Variants in TUBB3 observed in about 807,000 individuals in gnomAD.
TUBB3 encodes tubulin beta-3 chain.
Under a neutral mutation model 37.8 loss-of-function variants are expected in TUBB3, and 17 were observed. The ratio of observed to expected loss-of-function variants is 0.45; its 90% CI spans 0.31 to 0.67. TUBB3 has a LOEUF of 0.67. Ranked by LOEUF, TUBB3 falls within the 30% of genes least tolerant of loss-of-function variation. The pLI is 0.07. For synonymous variants in TUBB3, 332 were observed against 278.9 expected (o/e 1.19, Z -1.90); for missense variants, 262 against 657.9 (o/e 0.40, Z 6.58).
At chr16:89,933,010 C>G (rs775409700) in intron 2 of TUBB3, 15 of 491,884 alleles carry the variant, frequency 3.0e-5, no homozygotes, top group Non-Finnish European at 5.6e-5. Context: ...AGGGCTTAGT[C>G]AGGGGCTCTT....
At chr16:89,933,054 G>C in intron 2 of TUBB3, 1 of 465,352 alleles carries the variant, frequency 2.1e-6, no homozygotes, top group South Asian at 2.0e-5. Flanking sequence ...CCATATCAAA[G>C]TGGTGATACA....
intron 1 of TUBB3, among the ~76,000 whole-genome samples, chr16:89,923,975 C>T (rs1429250694): frequency 3.3e-5 from 5 of 152,136 alleles, no homozygotes; most frequent in African/African-American, 1.2e-4. Context: ...CACCCCTCGG[C>T]GTCCTAGCTC....
At position 89,933,354 on chromosome 16, in the gene TUBB3, C is replaced by T. The variant is rs1007774171; in HGVS notation, c.167-114C>T. 4 of 911,836 alleles carry T rather than the reference C, an allele frequency of 4.4e-6. No individual in the cohort carries two copies. The African/African-American group carries it at 4.9e-5, about 11-fold the overall frequency. The allele number at this position is 911,836 out of a possible 1,614,324, so 56.5% of individuals were successfully genotyped here. ...GGTCCAGGACTCTGACTTCAGAGTA[C>T]AGGCTCTTAGGATGTGAGCAGGAGG... On this transcript the variant is annotated intron_variant, in intron 2 of 3. Transcript: ENST00000315491.
In TUBB3 at chr16:89,931,048, C is replaced by T. The variant is rs2030262360; in HGVS notation, c.58-1523C>T. ...TTCACCATGTTAGCCAGGATGGTCTCGATCTCCTGACTTCGTGATCCACCC... is the reference window on the plus strand; with the variant it reads ...TTCACCATGTTAGCCAGGATGGTCTTGATCTCCTGACTTCGTGATCCACCC... On this transcript the variant is annotated intron_variant, in intron 1 of 3. Transcript: ENST00000315491. 2.6e-5 allele frequency among the ~76,000 whole-genome samples: 4 copies of T among 152,124 alleles called. No individual in the cohort carries two copies. The South Asian group carries it at 6.2e-4, about 24-fold the overall frequency.
At chr16:89,933,662 C>A in intron 3 of TUBB3, 84 bp downstream of exon 3, 1 of 1,050,556 alleles carries the variant, frequency 9.5e-7, no homozygotes, top group Non-Finnish European at 1.5e-6. Context: ...CTGTGAGAAA[C>A]AAGGAATGGT....
intron 2 of TUBB3, chr16:89,933,054 G>T: frequency 2.1e-6 from 1 of 465,352 alleles, no homozygotes; most frequent in Non-Finnish European, 4.0e-6. Flanking sequence ...CCATATCAAA[G>T]TGGTGATACA....
chr16:89,925,018 C>A (rs1017949488), intron 1 of TUBB3, among the ~76,000 whole-genome samples: 2 of 151,974 alleles, frequency 1.3e-5, no homozygotes, highest in African/African-American at 4.8e-5. Context: ...GGGCAGGCAG[C>A]CCTGGGGCCC....
At position 89,934,948 on chromosome 16, in the gene TUBB3, C is replaced by T. The variant is rs2030401203; in HGVS notation, c.497C>T (p.Thr166Ile). 6.2e-7 allele frequency: 1 copy of T among 1,614,110 alleles called. No individual in the cohort carries two copies. Among genetic ancestry groups the T allele is most frequent in the Non-Finnish European group, 8.5e-7 (1 of 1,180,046 alleles). ...REEYPDRIMN[T>I]FSVVPSPKVS... ...GAGTATCCCGACCGCATCATGAACA[C>T]CTTCAGCGTCGTGCCCTCACCCAAG... The change falls in exon 4 of 4, where the codon ACC (threonine) becomes ATC (isoleucine). Residue 166 changes from threonine to isoleucine, a missense_variant. Transcript: ENST00000315491.
rs759051850 is a variant in TUBB3, at chr16:89,935,711, C to T, written c.1260C>T (p.Ser420=). ...AGAGCAACATGAACGACCTGGTGTC[C>T]GAGTACCAGCAGTACCAGGACGCCA... ...EAESNMNDLV[S]EYQQYQDATA... Residue 420 remains serine, a synonymous_variant, in exon 4 of 4, where the codon TCC becomes TCT. Coordinates refer to ENST00000315491, the MANE Select transcript of TUBB3 (RefSeq NM_006086.4). 15 of 1,613,718 alleles carry T rather than the reference C, an allele frequency of 9.3e-6. No homozygotes were observed. Among genetic ancestry groups the T allele is most frequent in the Middle Eastern group, 1.6e-4 (1 of 6,080 alleles).
chr16:89,927,348 G>C (rs2144405631), intron 1 of TUBB3, among the ~76,000 whole-genome samples: 1 of 151,446 alleles, frequency 6.6e-6, no homozygotes, highest in South Asian at 2.1e-4. Context: ...TCATGCCCCT[G>C]CATTCTAGCC....
chr16:89,935,553 A>G lies in TUBB3; in HGVS notation c.1102A>G (p.Ile368Val). The G allele has an allele frequency of 6.2e-7, 1 of 1,614,140 alleles. No individual in the cohort carries two copies. Among genetic ancestry groups the G allele is most frequent in the Non-Finnish European group, 8.5e-7 (1 of 1,180,042 alleles). Residue 368 changes from isoleucine to valine, a missense_variant, in exon 4 of 4, where the codon ATC (isoleucine) becomes GTC (valine). By Grantham distance (29) the Ile-to-Val change is conservative. Around this residue, in one of 3 missense-constraint regions of TUBB3, gnomAD observed 165 missense variants for 556.8 expected, o/e 0.30. Coordinates refer to ENST00000315491, the MANE Select transcript of TUBB3 (RefSeq NM_006086.4). ...CGGCCTCAAGATGTCCTCCACCTTC[A>G]TCGGGAACAGCACGGCCATCCAGGA... ...PRGLKMSSTF[I>V]GNSTAIQELF...
intron 2 of TUBB3, 182 bp from the exon 3 acceptor site, chr16:89,933,286 C>T (rs1215154190): frequency 1.2e-5 from 9 of 732,142 alleles, no homozygotes; most frequent in African/African-American, 6.9e-5. Context: ...TCCTTAAACA[C>T]AGTGAGGCTT....
intron 1 of TUBB3, among the ~76,000 whole-genome samples, chr16:89,927,662 A>C (rs1376965916): frequency 6.6e-6 from 1 of 152,224 alleles, no homozygotes; most frequent in African/African-American, 2.4e-5. Context: ...ACATGTGCTG[A>C]ATGTTTTCAT....
intron 3 of TUBB3, chr16:89,933,800 G>A (rs1034762211): frequency 1.1e-5 from 8 of 702,518 alleles, no homozygotes; most frequent in Admixed American, 2.0e-5. Context: ...GGAATGAAGT[G>A]TAAAGCAGAC....
At position 89,935,522 on chromosome 16, in the gene TUBB3, G is replaced by T. The variant is rs754560439; in HGVS notation, c.1071G>T (p.Pro357=). ...NNVKVAVCDI[P]PRGLKMSSTF... is the part of the protein sequence containing the mutation. Reference sequence around the variant, plus strand: ...TGAAGGTGGCCGTGTGTGACATCCCGCCCCGCGGCCTCAAGATGTCCTCCA... The same window carrying T: ...TGAAGGTGGCCGTGTGTGACATCCCTCCCCGCGGCCTCAAGATGTCCTCCA... The change falls in exon 4 of 4, where the codon CCG becomes CCT. Residue 357 remains proline, a synonymous_variant. Transcript: ENST00000315491. 19 of 1,614,178 alleles carry T rather than the reference G, an allele frequency of 1.2e-5. No individual in the cohort carries two copies. The highest frequency in any genetic ancestry group is 1.5e-5 in the Non-Finnish European group (18 of 1,180,054).
At position 89,936,065 on chromosome 16, in the gene TUBB3, T is replaced by A; in HGVS notation, c.*261T>A. The A allele has an allele frequency of 1.7e-6, 1 of 577,474 alleles. No individual in the cohort carries two copies. The highest frequency in any genetic ancestry group is 3.1e-6 in the Non-Finnish European group (1 of 324,588). The allele number at this position is 577,474 out of a possible 1,614,324, so 35.8% of individuals were successfully genotyped here. On this transcript the variant is annotated 3_prime_UTR_variant, in exon 4 of 4. Coordinates refer to ENST00000315491, the MANE Select transcript of TUBB3 (RefSeq NM_006086.4). Reference sequence around the variant, plus strand: ...TGGTTTGTGTTTATATTTTCGGGGATACTTAATAAATCTATTGCTGTCAGA... The same window carrying A: ...TGGTTTGTGTTTATATTTTCGGGGAAACTTAATAAATCTATTGCTGTCAGA...
intron 1 of TUBB3, 53 bp downstream of exon 1, chr16:89,923,511 C>A: frequency 1.5e-6 from 2 of 1,345,614 alleles, no homozygotes; most frequent in South Asian, 1.7e-5. Flanking sequence ...AGGAGGGAGG[C>A]GCCGTGCCCC....
Position 89,923,342 on chromosome 16 carries a change from C to T in TUBB3, c.-60C>T, listed in dbSNP as rs1389938571. 1.1e-5 allele frequency: 16 copies of T among 1,405,608 alleles called. No homozygotes were observed. Among genetic ancestry groups the T allele is most frequent in the Middle Eastern group, 2.6e-4 (1 of 3,886 alleles). 87.1% of individuals were successfully genotyped at this position (1,405,608 alleles called of 1,614,324 possible). A position where few individuals can be genotyped will look rare whatever the true frequency, so the allele number is the denominator to read the frequency against. On this transcript the variant is annotated 5_prime_UTR_variant, in exon 1 of 4. Transcript: ENST00000315491. Reference sequence around the variant, plus strand: ...GAGCGCGCGGCCGCGGTCCCCGACCCTCAGCAGCCAGCCCGGCCCGCCCGC... The same window carrying T: ...GAGCGCGCGGCCGCGGTCCCCGACCTTCAGCAGCCAGCCCGGCCCGCCCGC...
At chr16:89,929,082 ACT>A (rs1251446166) in intron 1 of TUBB3, among the ~76,000 whole-genome samples, 2 of 149,342 alleles carry the variant, frequency 1.3e-5, no homozygotes, top group Non-Finnish European at 3.0e-5. Flanking sequence ...CGTGTCTCAG[ACT>A]CTGAAACAAC....
Sources: gnomAD v4.1 joint callset for allele counts (sites outside exome capture counted in the v4.1 genomes callset) on GRCh38, gnomAD v4.1.1 for gene constraint, gnomAD v4.1.1 regional missense constraint, MANE v1.5 for transcripts, NCBI Gene and HGNC (gene_info 2026-07-23, HGNC 2026-07-21) for gene names.